Variants in TRIO observed in about 807,000 individuals in gnomAD.
TRIO encodes trio Rho guanine nucleotide exchange factor.
TRIO carries 58 observed loss-of-function variants against 351.9 expected under a neutral mutation model. That is an observed-to-expected ratio of 0.16 (90% CI 0.13 to 0.21). The LOEUF (loss-of-function observed/expected upper bound fraction) is 0.21, where lower values mean the gene tolerates loss of function less well. Among genes scored for constraint, TRIO ranks in the 10% least tolerant of loss-of-function variants. The pLI is 1.00. For missense variants in TRIO, 3,201 were observed against 4,027.8 expected (o/e 0.79, Z 5.56); for synonymous variants, 1,758 against 1,595.7 (o/e 1.10, Z -2.42).
At chr5:14,311,510 C>T (rs149669668) in intron 8 of TRIO, among the ~76,000 whole-genome samples, 1 of 152,320 alleles carries the variant, frequency 6.6e-6, no homozygotes, top group Non-Finnish European at 1.5e-5. Context: ...TTGACCTGCA[C>T]TGTTGGTAGG....
At chr5:14,474,154 A>G (rs983761641) in intron 40 of TRIO, 57 bp downstream of exon 40, 4 of 1,543,706 alleles carry the variant, frequency 2.6e-6, no homozygotes, top group Non-Finnish European at 3.6e-6. Flanking sequence ...TTGCTAAACC[A>G]AGGCAGGCCA....
chr5:14,376,177 A>G (rs1440964496), intron 19 of TRIO, among the ~76,000 whole-genome samples: 1 of 152,206 alleles, frequency 6.6e-6, no homozygotes, highest in Non-Finnish European at 1.5e-5. Flanking sequence ...ACAGACTGCT[A>G]GGAACTCAGT....
chr5:14,367,429 A>G (rs1016511202), intron 16 of TRIO, among the ~76,000 whole-genome samples: 1 of 152,172 alleles, frequency 6.6e-6, no homozygotes, highest in African/African-American at 2.4e-5. Context: ...CCAGGTGTAT[A>G]TCATGAATTC....
intron 48 of TRIO, chr5:14,488,826 G>A (rs1454565001): frequency 1.2e-5 from 8 of 670,654 alleles, no homozygotes; most frequent in Admixed American, 6.6e-5. Context: ...TTACGTCACC[G>A]TGTTGCTCTG....
intron 9 of TRIO, among the ~76,000 whole-genome samples, chr5:14,329,650 G>GT (rs1379138957): frequency 1.3e-5 from 2 of 152,210 alleles, no homozygotes; most frequent in African/African-American, 4.8e-5. Flanking sequence ...CAAAGTATGA[G>GT]TGAACCTTCA....
chr5:14,452,036 CCT>C (rs2126433598), intron 34 of TRIO, among the ~76,000 whole-genome samples: 1 of 152,332 alleles, frequency 6.6e-6, no homozygotes, highest in East Asian at 1.9e-4. Flanking sequence ...CGTGGGTGGC[CCT>C]GTCTCATCGG....
intron 36 of TRIO, 67 bp downstream of exon 36, chr5:14,462,992 C>CT: frequency 6.8e-7 from 1 of 1,474,040 alleles, no homozygotes; most frequent in East Asian, 2.5e-5. Flanking sequence ...TCGGTAGCTG[C>CT]TTCACACCAG....
At chr5:14,264,325 T>C (rs1427342095) in intron 1 of TRIO, among the ~76,000 whole-genome samples, 1 of 152,160 alleles carries the variant, frequency 6.6e-6, no homozygotes, top group African/African-American at 2.4e-5. Context: ...TATGCTGTTA[T>C]AGGCTGTTGC....
chr5:14,498,309 G>T, intron 52 of TRIO, 58 bp downstream of exon 52: 1 of 1,590,224 alleles, frequency 6.3e-7, no homozygotes, highest in Non-Finnish European at 8.6e-7. Flanking sequence ...CTTGTCACTT[G>T]GCAACTGGAA....
At chr5:14,486,838 A>G (rs149019769) in intron 47 of TRIO, among the ~76,000 whole-genome samples, 98 of 152,208 alleles carry the variant, frequency 6.4e-4, no homozygotes, top group African/African-American at 2.2e-3. Flanking sequence ...GCTTGCTCAC[A>G]CATGCCTGGG....
chr5:14,434,175 A>G (rs1400749060), intron 34 of TRIO, among the ~76,000 whole-genome samples: 1 of 152,242 alleles, frequency 6.6e-6, no homozygotes, highest in Non-Finnish European at 1.5e-5. Context: ...AACTTTGACC[A>G]TGACCATATG....
chr5:14,369,588 A>T, intron 18 of TRIO, 65 bp downstream of exon 18: 1 of 1,520,720 alleles, frequency 6.6e-7, no homozygotes, highest in Non-Finnish European at 8.9e-7. Context: ...TGCGCGTGGC[A>T]CAGTCATCGC....
In TRIO at chr5:14,238,704, C is replaced by A. The variant is rs529328692; in HGVS notation, c.158-32121C>A. ...AGTGCTACTTTAAGTTAAAATCTTA[C>A]AATGTAGGATCCTATTGGATGGTTC... On this transcript the variant is annotated intron_variant, in intron 1 of 56. Coordinates refer to ENST00000344204, the MANE Select transcript of TRIO (RefSeq NM_007118.4). Among the ~76,000 whole-genome samples the A allele has an allele frequency of 4.9e-4, 74 of 152,234 alleles. No homozygotes were observed. The South Asian group carries it at 0.015, about 31-fold the overall frequency.
intron 21 of TRIO, 68 bp from the exon 22 acceptor site, chr5:14,387,370 C>T: frequency 6.7e-7 from 1 of 1,497,720 alleles, no homozygotes. Context: ...GTCAAGTCGC[C>T]ACTGTGTTTG....
intron 1 of TRIO, among the ~76,000 whole-genome samples, chr5:14,214,301 A>G (rs1428531200): frequency 6.6e-6 from 1 of 152,166 alleles, no homozygotes; most frequent in Non-Finnish European, 1.5e-5. Flanking sequence ...GGCCCCAAGG[A>G]AGGGTATGCC....
intron 16 of TRIO, among the ~76,000 whole-genome samples, 174 bp downstream of exon 16, chr5:14,367,153 A>C (rs903656152): frequency 1.2e-4 from 18 of 152,102 alleles, no homozygotes; most frequent in African/African-American, 4.3e-4. Flanking sequence ...CAGGAAAGGG[A>C]AACAGTGTGG....
intron 1 of TRIO, among the ~76,000 whole-genome samples, chr5:14,226,785 G>A (rs1424143659): frequency 7.4e-6 from 1 of 135,658 alleles, no homozygotes; most frequent in Non-Finnish European, 1.6e-5. Flanking sequence ...GTGCTGGGTA[G>A]AGTGTTTCCA....
intron 26 of TRIO, 49 bp from the exon 27 acceptor site, chr5:14,390,852 C>T (rs377203273): frequency 1.1e-5 from 16 of 1,485,006 alleles, no homozygotes; most frequent in African/African-American, 8.6e-5. Context: ...GTTTATCATG[C>T]GTTGACTTGT....
chr5:14,293,030 C>T lies in TRIO; in HGVS notation c.1072C>T (p.His358Tyr), dbSNP rs1737044412. 1 of 1,614,150 alleles carries T rather than the reference C, an allele frequency of 6.2e-7. No homozygotes were observed. Among genetic ancestry groups the T allele is most frequent in the Non-Finnish European group, 8.5e-7 (1 of 1,180,012 alleles). ...CCGGTAGATGTTTGACTGGATCACA[C>T]ACAACAAAGGCCTGTTTCTAAACAG... ...DAEKMFDWIT[H>Y]NKGLFLNSYT... is the part of the protein sequence containing the mutation. Residue 358 changes from histidine (H) to tyrosine (Y), a missense_variant, in exon 6 of 57, where the codon CAC (histidine) becomes TAC (tyrosine). By Grantham distance (83) the His-to-Tyr change is moderately conservative. Transcript: ENST00000344204.
Sources: gnomAD v4.1 joint callset for allele counts (sites outside exome capture counted in the v4.1 genomes callset) on GRCh38, gnomAD v4.1.1 for gene constraint, MANE v1.5 for transcripts, NCBI Gene and HGNC (gene_info 2026-07-23, HGNC 2026-07-21) for gene names.